GOLGA5: variants seen among roughly 807,000 people sequenced by gnomAD.
GOLGA5 encodes the protein golgin A5, also known as golgin subfamily A member 5.
Under a neutral mutation model 93.5 loss-of-function variants are expected in GOLGA5, and 50 were observed. The observed-to-expected ratio is 0.53, with a 90% CI of 0.43 to 0.68. The LOEUF (loss-of-function observed/expected upper bound fraction) is 0.68. Ranked by LOEUF, GOLGA5 falls within the 30% of genes least tolerant of loss-of-function variation. The pLI is 0.00. For missense variants in GOLGA5, 760 were observed against 856.4 expected, an observed-to-expected ratio of 0.89 and a Z score of 1.40; for synonymous variants, 312 against 304.5, an observed-to-expected ratio of 1.02 and a Z score of -0.26.
intron 5 of GOLGA5, 98 bp downstream of exon 5, chr14:92,810,475 C>T: frequency 1.2e-6 from 1 of 824,052 alleles, no homozygotes; most frequent in Non-Finnish European, 1.8e-6. Context: ...TATAATTCTG[C>T]AATGCATTTC....
At chr14:92,827,764 G>A (rs974197064) in intron 9 of GOLGA5, among the ~76,000 whole-genome samples, 3 of 152,210 alleles carry the variant, frequency 2.0e-5, no homozygotes, top group African/African-American at 7.2e-5. Flanking sequence ...GAAATTAAAA[G>A]TGCTACTCTA....
At chr14:92,799,094 A>C (rs935492559) in intron 2 of GOLGA5, among the ~76,000 whole-genome samples, 3 of 152,014 alleles carry the variant, frequency 2.0e-5, no homozygotes, top group East Asian at 1.9e-4. Context: ...CAGCCTCCTG[A>C]GTAGCTGGAA....
chr14:92,815,241 T>C (rs572170914), intron 6 of GOLGA5, among the ~76,000 whole-genome samples: 1 of 152,360 alleles, frequency 6.6e-6, no homozygotes, highest in South Asian at 2.1e-4. Context: ...CTCTCTGTTT[T>C]TCTCTGCACT....
chr14:92,799,497 G>GAT (rs1884816254), intron 2 of GOLGA5, among the ~76,000 whole-genome samples: 1 of 148,376 alleles, frequency 6.7e-6, no homozygotes, highest in African/African-American at 2.5e-5. Context: ...TGTTAGCCAG[G>GAT]AGGCTCTTGA....
At chr14:92,797,226 T>C (rs371674637) in intron 1 of GOLGA5, among the ~76,000 whole-genome samples, 182 bp from the exon 2 acceptor site, 2 of 152,066 alleles carry the variant, frequency 1.3e-5, no homozygotes, top group East Asian at 3.9e-4. Flanking sequence ...AAGTACACTT[T>C]CCCCCCCATT....
chr14:92,794,789 T>C (rs1884683586), intron 1 of GOLGA5, among the ~76,000 whole-genome samples: 2 of 152,174 alleles, frequency 1.3e-5, no homozygotes, highest in Admixed American at 6.5e-5. Flanking sequence ...CTCTACGGAC[T>C]GGGCCTGACC....
rs1885716214 is a variant in GOLGA5 at position 92,839,557 on chromosome 14, A to G, written c.*111A>G. On this transcript the variant is annotated 3_prime_UTR_variant, in exon 13 of 13. Transcript: ENST00000163416. ...CAGTGCACAAGATTATTTTATCACT[A>G]CAAGCTTTTAACTTTTTAAGTTATT... The G allele has an allele frequency of 1.5e-6, 1 of 673,116 alleles. No individual in the cohort carries two copies. Among genetic ancestry groups the G allele is most frequent in the Non-Finnish European group, 2.6e-6 (1 of 379,708 alleles). 41.7% of individuals were successfully genotyped at this position (673,116 alleles called of 1,614,324 possible). A position where few individuals can be genotyped will look rare whatever the true frequency, so the allele number is the denominator to read the frequency against.
rs79333973 is a variant in GOLGA5 at position 92,835,276 on chromosome 14, C to A, written c.1946-283C>A. 2.3e-3 allele frequency among the ~76,000 whole-genome samples: 351 copies of A among 152,250 alleles called. 1 individual carries two copies. The highest frequency in any genetic ancestry group is 3.7e-3 in the Non-Finnish European group (255 of 68,012). On this transcript the variant is annotated intron_variant, in intron 10 of 12. Transcript: ENST00000163416. ...CCTCCTCACATAGGAACAAAGGGCC[C>A]ATTAATATTGACTCTTGTCAACGCT...
intron 9 of GOLGA5, among the ~76,000 whole-genome samples, chr14:92,827,052 G>GTATA (rs141671842): frequency 6.6e-6 from 1 of 152,108 alleles, no homozygotes; most frequent in East Asian, 1.9e-4. Context: ...TTCTCTCTCT[G>GTATA]TATATATATA....
intron 1 of GOLGA5, among the ~76,000 whole-genome samples, chr14:92,796,477 C>T (rs1292249521): frequency 6.6e-6 from 1 of 152,084 alleles, no homozygotes; most frequent in Non-Finnish European, 1.5e-5. Flanking sequence ...TTCTGTATGC[C>T]TGTTTGTGTT....
intron 8 of GOLGA5, among the ~76,000 whole-genome samples, chr14:92,823,243 C>T (rs1885350860): frequency 6.6e-6 from 1 of 152,026 alleles, no homozygotes; most frequent in Non-Finnish European, 1.5e-5. Context: ...TCACCTTTAT[C>T]ATGTCCTAAA....
intron 8 of GOLGA5, among the ~76,000 whole-genome samples, chr14:92,822,661 A>G (rs1474451188): frequency 6.6e-6 from 1 of 152,038 alleles, no homozygotes; most frequent in African/African-American, 2.4e-5. Flanking sequence ...GTTGCCATGC[A>G]GAAGTTGATT....
intron 12 of GOLGA5, among the ~76,000 whole-genome samples, chr14:92,839,063 T>G (rs1168312493): frequency 2.0e-5 from 3 of 152,338 alleles, no homozygotes; most frequent in African/African-American, 4.8e-5. Context: ...CTAACCAACT[T>G]CATGTGTATC....
chr14:92,824,827 C>G (rs1885384327), intron 9 of GOLGA5, among the ~76,000 whole-genome samples, 183 bp downstream of exon 9: 1 of 152,170 alleles, frequency 6.6e-6, no homozygotes, highest in Non-Finnish European at 1.5e-5. Flanking sequence ...TACATTTGCT[C>G]TGTTCTATGA....
At chr14:92,820,997 G>GT (rs746339086) in intron 8 of GOLGA5, among the ~76,000 whole-genome samples, 1 of 152,098 alleles carries the variant, frequency 6.6e-6, no homozygotes, top group Non-Finnish European at 1.5e-5. Flanking sequence ...CTTGATTTTT[G>GT]TTTTTTAACA....
At chr14:92,807,860 T>TTAG (rs1394853149) in intron 3 of GOLGA5, among the ~76,000 whole-genome samples, 1 of 152,078 alleles carries the variant, frequency 6.6e-6, no homozygotes, top group Admixed American at 6.5e-5. Flanking sequence ...CTGGGGCTAA[T>TTAG]TAGAAAGGAG....
chr14:92,838,757 G>T (rs1885699313), intron 12 of GOLGA5, among the ~76,000 whole-genome samples: 1 of 152,188 alleles, frequency 6.6e-6, no homozygotes, highest in African/African-American at 2.4e-5. Flanking sequence ...CAGAGGGGTT[G>T]ATTTCCCAGG....
intron 10 of GOLGA5, among the ~76,000 whole-genome samples, chr14:92,834,184 C>CTTTTTTTTTT (rs35449807): frequency 2.7e-4 from 37 of 135,016 alleles, no homozygotes; most frequent in Middle Eastern, 4.2e-3. Flanking sequence ...TAGGTTTCAC[C>CTTTTTTTTTT]TTTTTTTTTT....
chr14:92,818,706 A>G (rs891472203), intron 7 of GOLGA5, among the ~76,000 whole-genome samples: 4 of 152,202 alleles, frequency 2.6e-5, no homozygotes, highest in Admixed American at 6.5e-5. Context: ...TGAAGTTCCA[A>G]GGTTTGTGGT....
Sources: gnomAD v4.1 joint callset for allele counts (sites outside exome capture counted in the v4.1 genomes callset) on GRCh38, gnomAD v4.1.1 for gene constraint, MANE v1.5 for transcripts, NCBI Gene and HGNC (gene_info 2026-07-23, HGNC 2026-07-21) for gene names.